Variants in LRBA observed in about 807,000 individuals in gnomAD.
LRBA encodes lipopolysaccharide-responsive and beige-like anchor protein.
LRBA carries 176 observed loss-of-function variants against 330.0 expected under a neutral mutation model. The ratio of observed to expected loss-of-function variants is 0.53; its 90% CI spans 0.47 to 0.60. The LOEUF (loss-of-function observed/expected upper bound fraction) is 0.60. Among genes scored for constraint, LRBA ranks in the 20% least tolerant of loss-of-function variants. The pLI, the probability that LRBA is intolerant of heterozygous loss-of-function variation, is 0.00. For missense variants in LRBA, 3,259 were observed against 3,444.8 expected, an observed-to-expected ratio of 0.95 and a Z score of 1.35; for synonymous variants, 1,230 against 1,193.0, an observed-to-expected ratio of 1.03 and a Z score of -0.64.
At position 150,993,689 on chromosome 4, in the gene LRBA, A is replaced by G. The variant is rs564743903; in HGVS notation, c.216+20738T>C. Among the ~76,000 whole-genome samples, 5 of 152,320 alleles carry G rather than the reference A, an allele frequency of 3.3e-5. No individual in the cohort carries two copies. The East Asian group carries it at 9.6e-4, about 29-fold the overall frequency. On this transcript the variant is annotated intron_variant, in intron 2 of 56. Transcript: ENST00000651943. ...TTCTTACATGGTGGTGGCAAGAGAA[A>G]AAGAGGAAGATGCAAAAGCAGAAAC...
intron 40 of LRBA, among the ~76,000 whole-genome samples, chr4:150,494,471 T>C (rs1759332504): frequency 2.0e-5 from 3 of 152,248 alleles, no homozygotes; most frequent in Admixed American, 2.0e-4. Context: ...TGCAAAGTCA[T>C]GATCATACAA....
chr4:150,907,037 T>C (rs1186859192), intron 11 of LRBA, among the ~76,000 whole-genome samples: 1 of 150,700 alleles, frequency 6.6e-6, no homozygotes, highest in Non-Finnish European at 1.5e-5. Flanking sequence ...GAATAGGGGC[T>C]ACAGCCATGC....
intron 48 of LRBA, among the ~76,000 whole-genome samples, chr4:150,332,221 C>CA (rs1734088554): frequency 6.6e-6 from 1 of 152,118 alleles, no homozygotes; most frequent in Non-Finnish European, 1.5e-5. Flanking sequence ...ATATAATCAA[C>CA]ATCATATTGC....
At chr4:150,735,220 A>G (rs1731028913) in intron 36 of LRBA, 38 bp downstream of exon 36, 4 of 1,408,136 alleles carry the variant, frequency 2.8e-6, no homozygotes, top group Non-Finnish European at 4.0e-6. Context: ...TCATTAAAAA[A>G]CGGTAACTTC....
intron 40 of LRBA, among the ~76,000 whole-genome samples, chr4:150,496,831 A>C (rs1009365791): frequency 1.3e-5 from 2 of 152,094 alleles, no homozygotes; most frequent in Non-Finnish European, 2.9e-5. Flanking sequence ...AAACCCTATC[A>C]ATACATTTAA....
intron 34 of LRBA, among the ~76,000 whole-genome samples, chr4:150,792,203 T>TA (rs397879893): frequency 0.055 from 7,656 of 139,112 alleles, 239 homozygotes; most frequent in Admixed American, 0.087. Context: ...AAGTTTTAGT[T>TA]AAAAAAAAAA....
intron 47 of LRBA, among the ~76,000 whole-genome samples, chr4:150,402,470 A>C (rs1352791547): frequency 1.3e-5 from 2 of 152,154 alleles, no homozygotes; most frequent in Admixed American, 1.3e-4. Flanking sequence ...TAAGTGCCAC[A>C]GAAAATTTTG....
At chr4:150,803,580 C>T (rs961187321) in intron 33 of LRBA, among the ~76,000 whole-genome samples, 2 of 152,092 alleles carry the variant, frequency 1.3e-5, no homozygotes, top group Non-Finnish European at 2.9e-5. Context: ...AAGTCTCCTG[C>T]CTTTTATATT....
chr4:150,902,227 G>C lies in LRBA; in HGVS notation c.1756-2010C>G, dbSNP rs565747792. Among the ~76,000 whole-genome samples the C allele has an allele frequency of 2.0e-5, 3 of 152,308 alleles. No individual in the cohort carries two copies. The South Asian group carries it at 6.2e-4, about 32-fold the overall frequency. On this transcript the variant is annotated intron_variant, in intron 13 of 56. Coordinates refer to ENST00000651943, the MANE Select transcript of LRBA (RefSeq NM_001364905.1). ...TAAAGTAGGCATTAAGATAGGCTTT[G>C]AAGATGAGTAGTAGAATAGACAGAC...
At chr4:150,607,228 G>A (rs1050954774) in intron 37 of LRBA, among the ~76,000 whole-genome samples, 1 of 152,246 alleles carries the variant, frequency 6.6e-6, no homozygotes, top group African/African-American at 2.4e-5. Context: ...ACAGCATCAG[G>A]CTTTCACAAG....
intron 2 of LRBA, among the ~76,000 whole-genome samples, chr4:151,010,357 T>C (rs548592240): frequency 6.6e-6 from 1 of 152,152 alleles, no homozygotes; most frequent in African/African-American, 2.4e-5. Flanking sequence ...GTTTGACAAA[T>C]TACTTTAAAA....
At chr4:150,368,206 TCA>T (rs1199890144) in intron 47 of LRBA, among the ~76,000 whole-genome samples, 1 of 152,088 alleles carries the variant, frequency 6.6e-6, no homozygotes, top group Non-Finnish European at 1.5e-5. Flanking sequence ...TACCCCCAAT[TCA>T]CAGTTTACCT....
At chr4:150,383,734 C>CT (rs530914187) in intron 47 of LRBA, among the ~76,000 whole-genome samples, 213 of 152,190 alleles carry the variant, frequency 1.4e-3, no homozygotes, top group African/African-American at 4.9e-3. Flanking sequence ...GTCCCCAGTG[C>CT]TTGTAGTACT....
intron 2 of LRBA, among the ~76,000 whole-genome samples, chr4:150,949,340 G>A (rs184550290): frequency 5.8e-4 from 88 of 152,106 alleles, no homozygotes; most frequent in African/African-American, 2.0e-3. Flanking sequence ...TCTCAAGTTC[G>A]TACAGTCTTC....
chr4:150,692,732 C>T (rs908960089), intron 36 of LRBA, among the ~76,000 whole-genome samples: 3 of 152,070 alleles, frequency 2.0e-5, no homozygotes, highest in African/African-American at 7.2e-5. Context: ...AGAATAGACT[C>T]AATTCTTTTA....
At chr4:150,562,972 A>G (rs1246738181) in intron 40 of LRBA, among the ~76,000 whole-genome samples, 6 of 151,982 alleles carry the variant, frequency 3.9e-5, no homozygotes, top group African/African-American at 1.4e-4. Context: ...GCTAATTTTT[A>G]AAATATTTTG....
chr4:150,311,056 C>CA (rs1294112593), intron 51 of LRBA: 2 of 152,164 alleles, frequency 1.3e-5, no homozygotes, highest in Non-Finnish European at 2.9e-5. Flanking sequence ...CAGTGTGTTT[C>CA]AAAGTGCTAC....
At chr4:151,014,315 T>TA in intron 2 of LRBA, 112 bp downstream of exon 2, 1 of 759,438 alleles carries the variant, frequency 1.3e-6, no homozygotes, top group East Asian at 2.7e-5. Flanking sequence ...TGTGTCCCTA[T>TA]ACACGAAAAA....
At chr4:150,895,702 G>C (rs1042222991) in intron 16 of LRBA, among the ~76,000 whole-genome samples, 4 of 152,164 alleles carry the variant, frequency 2.6e-5, no homozygotes, top group Admixed American at 6.6e-5. Flanking sequence ...ATTTGGGTTG[G>C]TTCCAAGTGT....
Sources: gnomAD v4.1 joint callset for allele counts (sites outside exome capture counted in the v4.1 genomes callset) on GRCh38, gnomAD v4.1.1 for gene constraint, MANE v1.5 for transcripts, NCBI Gene and HGNC (gene_info 2026-07-23, HGNC 2026-07-21) for gene names.